PON1: variants seen among roughly 807,000 people sequenced by gnomAD.
The protein encoded by PON1 is paraoxonase 1, also known as serum paraoxonase/arylesterase 1.
PON1 carries 37 observed loss-of-function variants against 39.2 expected under a neutral mutation model. That is an observed-to-expected ratio of 0.94 (90% CI 0.73 to 1.24). PON1 has a LOEUF of 1.24. PON1 is among the 50% of genes most tolerant of loss of function. The pLI is 0.00. For synonymous variants in PON1, 148 were observed against 152.2 expected, an observed-to-expected ratio of 0.97 and a Z score of 0.21; for missense variants, 397 against 413.5, an observed-to-expected ratio of 0.96 and a Z score of 0.35.
Position 95,324,399 on chromosome 7 carries a change from T to TA in PON1, c.74+2dup. The TA allele has an allele frequency of 1.2e-6, 2 of 1,613,976 alleles. No individual in the cohort carries two copies. The highest frequency in any genetic ancestry group is 1.7e-6 in the Non-Finnish European group (2 of 1,179,916). ...CTGCAGCCCTCACCACAACCCAACTTACTGGTAAGAAGACTGGTGGTTCCT... is the reference window on the plus strand; with the variant it reads ...CTGCAGCCCTCACCACAACCCAACTTAACTGGTAAGAAGACTGGTGGTTCCT... On this transcript the variant is annotated splice_region_variant and intron_variant, in intron 1 of 8. Transcript: ENST00000222381.
At chr7:95,307,480 T>C (rs1297014675) in intron 6 of PON1, among the ~76,000 whole-genome samples, 2 of 152,196 alleles carry the variant, frequency 1.3e-5, no homozygotes, top group African/African-American at 4.8e-5. Flanking sequence ...CAAAATGCAG[T>C]CTCCAGACCA....
chr7:95,299,179 C>A, intron 8 of PON1, 77 bp from the exon 9 acceptor site: 1 of 1,348,248 alleles, frequency 7.4e-7, no homozygotes, highest in Non-Finnish European at 1.1e-6. Context: ...GGGTCATCCT[C>A]CATAAGAAGC....
chr7:95,314,162 C>A (rs926535983), intron 4 of PON1, among the ~76,000 whole-genome samples: 4 of 152,018 alleles, frequency 2.6e-5, no homozygotes, highest in African/African-American at 9.7e-5. Context: ...AGTTCGAGAC[C>A]AGCCTGGGCA....
chr7:95,318,489 A>G, intron 1 of PON1, 96 bp from the exon 2 acceptor site: 1 of 1,125,240 alleles, frequency 8.9e-7, no homozygotes, highest in South Asian at 1.3e-5. Context: ...CCTTCACTGT[A>G]CTTTGCCTGA....
At chr7:95,319,029 A>C (rs1164817331) in intron 1 of PON1, among the ~76,000 whole-genome samples, 1 of 152,020 alleles carries the variant, frequency 6.6e-6, no homozygotes, top group Non-Finnish European at 1.5e-5. Context: ...AACAGATGTG[A>C]GAAGGAAGTG....
Position 95,299,119 on chromosome 7 carries a change from A to G in PON1, c.910-17T>C, listed in dbSNP as rs760385727. Reference sequence around the variant, plus strand: ...TCGAAGCACCTGTGGAAGAAATAACATTGGGTTAATATTTTTGTTAAGTCA... The same window carrying G: ...TCGAAGCACCTGTGGAAGAAATAACGTTGGGTTAATATTTTTGTTAAGTCA... On this transcript the variant is annotated splice_polypyrimidine_tract_variant and intron_variant, in intron 8 of 8. Coordinates refer to ENST00000222381, the MANE Select transcript of PON1 (RefSeq NM_000446.7). 1 of 1,612,692 alleles carries G rather than the reference A, an allele frequency of 6.2e-7. No homozygotes were observed. The highest frequency in any genetic ancestry group is 8.5e-7 in the Non-Finnish European group (1 of 1,178,680).
At chr7:95,321,879 C>T (rs543557277) in intron 1 of PON1, among the ~76,000 whole-genome samples, 5 of 152,318 alleles carry the variant, frequency 3.3e-5, no homozygotes, top group Admixed American at 6.5e-5. Flanking sequence ...CATCTGTCAA[C>T]TTTCTTACCA....
chr7:95,323,722 T>G (rs1312072791), intron 1 of PON1, among the ~76,000 whole-genome samples: 1 of 152,214 alleles, frequency 6.6e-6, no homozygotes, highest in African/African-American at 2.4e-5. Flanking sequence ...GAATAGCTAC[T>G]CTGTCGCAGG....
At chr7:95,309,303 TATTAC>T (rs1807606560) in intron 5 of PON1, among the ~76,000 whole-genome samples, 1 of 143,132 alleles carries the variant, frequency 7.0e-6, no homozygotes, top group African/African-American at 2.8e-5. Flanking sequence ...TGCTAGCCAC[TATTAC>T]AACATGAAAA....
At position 95,308,120 on chromosome 7, in the gene PON1, A is replaced by G; in HGVS notation, c.589T>C (p.Tyr197His). The G allele has an allele frequency of 6.2e-7, 1 of 1,614,068 alleles. No homozygotes were observed. Among genetic ancestry groups the G allele is most frequent in the Non-Finnish European group, 8.5e-7 (1 of 1,179,972 alleles). ...ACATACGACCACGCTAAACCCAAAT[A>G]CATCTCCCAGGATTGTAAGTAGGGG... ...LDPYLQSWEMYLGLAWSYVVY... is the reference protein window; with the variant it reads ...LDPYLQSWEMHLGLAWSYVVY... Residue 197 changes from tyrosine (Y) to histidine (H), a missense_variant, in exon 6 of 9, where the codon TAT becomes CAT. Tyr to His is a moderately conservative substitution (Grantham distance 83, BLOSUM62 2). Coordinates refer to ENST00000222381, the MANE Select transcript of PON1 (RefSeq NM_000446.7).
At chr7:95,302,170 TA>T in intron 8 of PON1, 34 bp downstream of exon 8, 1 of 1,408,332 alleles carries the variant, frequency 7.1e-7, no homozygotes. Flanking sequence ...TAGCTGGGAA[TA>T]AAGTCACTTA....
chr7:95,302,120 A>C (rs1807445282), intron 8 of PON1, 85 bp downstream of exon 8: 2 of 800,700 alleles, frequency 2.5e-6, no homozygotes, highest in Non-Finnish European at 1.7e-6. Context: ...AAAAAAAAAA[A>C]ACCAAGAATT....
intron 8 of PON1, among the ~76,000 whole-genome samples, chr7:95,300,189 G>C (rs577299014): frequency 6.6e-5 from 10 of 152,322 alleles, no homozygotes; most frequent in Non-Finnish European, 1.2e-4. Flanking sequence ...CATTCTGACT[G>C]TAAAAAATAG....
At chr7:95,299,497 T>C (rs937089869) in intron 8 of PON1, among the ~76,000 whole-genome samples, 2 of 152,170 alleles carry the variant, frequency 1.3e-5, no homozygotes, top group Admixed American at 1.3e-4. Context: ...TGGGTGTCTG[T>C]GAGCGTGTTG....
At chr7:95,306,511 A>G in intron 6 of PON1, 145 bp from the exon 7 acceptor site, 1 of 695,850 alleles carries the variant, frequency 1.4e-6, no homozygotes, top group Non-Finnish European at 2.6e-6. Context: ...AAATTCTGAA[A>G]GAACTCAGTG....
chr7:95,298,706 A>C lies in PON1; in HGVS notation c.*238T>G. 1 of 579,202 alleles carries C rather than the reference A, an allele frequency of 1.7e-6. No individual in the cohort carries two copies. The highest frequency in any genetic ancestry group is 3.0e-5 in the East Asian group (1 of 33,594). The allele number at this position is 579,202 out of a possible 1,614,324, so 35.9% of individuals were successfully genotyped here. ...CATAACTGATTTATCCATTTTAGTG[A>C]GAAGGATTTTTATGGTAAATGAGGT... On this transcript the variant is annotated 3_prime_UTR_variant, in exon 9 of 9. Transcript: ENST00000222381.
chr7:95,310,360 C>A (rs1384114986), intron 5 of PON1, among the ~76,000 whole-genome samples: 1 of 152,214 alleles, frequency 6.6e-6, no homozygotes, highest in African/African-American at 2.4e-5. Context: ...ACATACTGTT[C>A]TCTACTTTAA....
At chr7:95,301,731 C>G (rs1198884681) in intron 8 of PON1, among the ~76,000 whole-genome samples, 1 of 152,082 alleles carries the variant, frequency 6.6e-6, no homozygotes, top group Admixed American at 6.5e-5. Flanking sequence ...AAAGCACCTC[C>G]AAAAGCCTTC....
chr7:95,308,856 A>G (rs1038498577), intron 5 of PON1, among the ~76,000 whole-genome samples: 1 of 151,800 alleles, frequency 6.6e-6, no homozygotes, highest in Non-Finnish European at 1.5e-5. Flanking sequence ...CAGAAATAGA[A>G]TGCTATGGCT....
Sources: allele counts gnomAD v4.1 joint callset (sites outside exome capture counted in the v4.1 genomes callset), GRCh38; gene constraint gnomAD v4.1.1; transcripts MANE v1.5; gene names NCBI Gene and HGNC (gene_info 2026-07-23, HGNC 2026-07-21).